Variants in SH2D4B observed in about 807,000 individuals in gnomAD.
SH2D4B encodes SH2 domain-containing protein 4B.
Under a neutral mutation model 61.5 loss-of-function variants are expected in SH2D4B, and 45 were observed. The ratio of observed to expected loss-of-function variants is 0.73; its 90% CI spans 0.58 to 0.94. The LOEUF (loss-of-function observed/expected upper bound fraction) is 0.94. Among genes scored for constraint, SH2D4B ranks in the 40% least tolerant of loss-of-function variants. The pLI is 0.00. For missense variants in SH2D4B, 572 were observed against 574.2 expected, an observed-to-expected ratio of 1.00 and a Z score of 0.04; for synonymous variants, 224 against 220.4, an observed-to-expected ratio of 1.02 and a Z score of -0.14.
intron 4 of SH2D4B, among the ~76,000 whole-genome samples, chr10:80,590,120 T>TG (rs1842309543): frequency 6.7e-6 from 1 of 150,070 alleles, no homozygotes; most frequent in African/African-American, 2.5e-5. Flanking sequence ...GCAGAGGGAG[T>TG]GGGGGAAAAC....
At chr10:80,580,830 G>C (rs1034155265) in intron 3 of SH2D4B, among the ~76,000 whole-genome samples, 1 of 152,188 alleles carries the variant, frequency 6.6e-6, no homozygotes, top group Admixed American at 6.5e-5. Context: ...AAGCTGGACA[G>C]CTCAGAGGGC....
intron 1 of SH2D4B, among the ~76,000 whole-genome samples, chr10:80,544,357 A>G (rs1347554327): frequency 6.6e-6 from 1 of 152,156 alleles, no homozygotes; most frequent in East Asian, 1.9e-4. Flanking sequence ...AGAAGGAACA[A>G]ACTCCGGATA....
At chr10:80,642,096 G>C (rs17107448) in intron 7 of SH2D4B, among the ~76,000 whole-genome samples, 26,597 of 152,118 alleles carry the variant, frequency 0.17, 2,821 homozygotes, top group Admixed American at 0.28. Flanking sequence ...CACATAAGTT[G>C]GGTAGTCTTT....
intron 3 of SH2D4B, among the ~76,000 whole-genome samples, chr10:80,582,781 A>G (rs1309819077): frequency 1.3e-5 from 2 of 152,230 alleles, no homozygotes; most frequent in Non-Finnish European, 2.9e-5. Context: ...TCTGTGAAGC[A>G]TGGGGCTCAG....
At chr10:80,586,981 C>T (rs1006125500) in intron 3 of SH2D4B, among the ~76,000 whole-genome samples, 1 of 152,092 alleles carries the variant, frequency 6.6e-6, no homozygotes, top group Non-Finnish European at 1.5e-5. Flanking sequence ...ACCACGAACC[C>T]ACCAGAAGGA....
intron 3 of SH2D4B, among the ~76,000 whole-genome samples, chr10:80,573,650 AC>A (rs1842090257): frequency 6.6e-6 from 1 of 152,014 alleles, no homozygotes; most frequent in African/African-American, 2.4e-5. Flanking sequence ...TTACTTGTGG[AC>A]CTTTTTGTGG....
At chr10:80,616,401 A>G (rs1842660971) in intron 6 of SH2D4B, among the ~76,000 whole-genome samples, 2 of 152,228 alleles carry the variant, frequency 1.3e-5, no homozygotes, top group South Asian at 2.1e-4. Context: ...TGAAAAATAA[A>G]GGAATATTTT....
rs1021537180 is a variant in SH2D4B at position 80,538,392 on chromosome 10, G to A, written c.61G>A (p.Asp21Asn). 4.8e-6 allele frequency: 7 copies of A among 1,446,940 alleles called. No individual in the cohort carries two copies. In the African/African-American group the frequency reaches 5.8e-5, roughly 12 times the overall value. The allele number at this position is 1,446,940 out of a possible 1,614,324, so 89.6% of individuals were successfully genotyped here. A position where few individuals can be genotyped will look rare whatever the true frequency, so the allele number is the denominator to read the frequency against. Residue 21 changes from aspartate (D) to asparagine (N), a missense_variant, in exon 1 of 8, where the codon GAT becomes AAT. Asp to Asn is a conservative substitution (Grantham distance 23). Transcript: ENST00000646907. The surrounding 1 kb of genome is among the most constrained non-coding windows in gnomAD (Gnocchi z 4.8). Reference protein sequence around the residue: ...IDPELLAELSDVQKHILFYKM... With the variant: ...IDPELLAELSNVQKHILFYKM... Reference sequence around the variant, plus strand: ...CCCCGAGCTCCTTGCCGAGCTCAGCGATGTGCAGAAGCACATCCTCTTCTA... The same window carrying A: ...CCCCGAGCTCCTTGCCGAGCTCAGCAATGTGCAGAAGCACATCCTCTTCTA...
chr10:80,547,845 G>A (rs1841703299), intron 1 of SH2D4B, among the ~76,000 whole-genome samples: 1 of 152,178 alleles, frequency 6.6e-6, no homozygotes, highest in South Asian at 2.1e-4. Flanking sequence ...TGCCATGAGA[G>A]TTGGAAAGTT....
intron 6 of SH2D4B, among the ~76,000 whole-genome samples, chr10:80,614,275 G>A (rs993282042): frequency 6.6e-6 from 1 of 152,210 alleles, no homozygotes; most frequent in African/African-American, 2.4e-5. Context: ...GCCTCAGGGA[G>A]CTTTTACTCG....
intron 4 of SH2D4B, among the ~76,000 whole-genome samples, chr10:80,595,495 A>G (rs1226302447): frequency 6.6e-6 from 1 of 152,184 alleles, no homozygotes. Flanking sequence ...TCCCCGCTTC[A>G]GGGACCCCTC....
At chr10:80,637,458 G>C (rs139656352) in intron 7 of SH2D4B, among the ~76,000 whole-genome samples, 183 of 152,018 alleles carry the variant, frequency 1.2e-3, no homozygotes, top group African/African-American at 3.9e-3. Flanking sequence ...CTTTTATTTC[G>C]TTGAGCAGTG....
At chr10:80,632,782 C>T (rs1006611603) in intron 6 of SH2D4B, among the ~76,000 whole-genome samples, 1 of 152,024 alleles carries the variant, frequency 6.6e-6, no homozygotes, top group Non-Finnish European at 1.5e-5. Context: ...CCCCCAAGGC[C>T]TTCTGGGGGG....
intron 1 of SH2D4B, among the ~76,000 whole-genome samples, chr10:80,558,209 C>A (rs750080819): frequency 6.6e-6 from 1 of 151,994 alleles, no homozygotes; most frequent in Non-Finnish European, 1.5e-5. Context: ...ACATAACACA[C>A]ATGATTTCAA....
chr10:80,566,228 C>T (rs1295515247), intron 1 of SH2D4B, among the ~76,000 whole-genome samples: 6 of 150,396 alleles, frequency 4.0e-5, no homozygotes, highest in Non-Finnish European at 8.9e-5. Flanking sequence ...GAAATGGGGA[C>T]ATCTTGTCAC....
chr10:80,570,055 C>G (rs752643002), intron 1 of SH2D4B, 99 bp from the exon 2 acceptor site: 67 of 1,411,238 alleles, frequency 4.7e-5, no homozygotes, highest in Non-Finnish European at 6.4e-5. Context: ...GACAATGTTC[C>G]ATAGAGTGAT....
chr10:80,538,170 T>C lies in SH2D4B; in HGVS notation c.-162T>C, dbSNP rs1589326076. The C allele has an allele frequency of 2.5e-5, 13 of 513,966 alleles. No individual in the cohort carries two copies. In the East Asian group the frequency reaches 4.7e-4, roughly 19 times the overall value. The allele number at this position is 513,966 out of a possible 1,614,324, so 31.8% of individuals were successfully genotyped here. ...TGGGTAGAGGAGATGAGTTCGTCGC[T>C]GGCTGCAAGCTGAGGCCAACTGACA... On this transcript the variant is annotated 5_prime_UTR_variant, in exon 1 of 8. Coordinates refer to ENST00000646907, the MANE Select transcript of SH2D4B (RefSeq NM_001388272.1). This position sits in a 1 kb window ranked among gnomAD's most constrained non-coding sequence, Gnocchi z 4.8.
chr10:80,601,688 C>T (rs1393619114), intron 4 of SH2D4B, among the ~76,000 whole-genome samples: 1 of 152,224 alleles, frequency 6.6e-6, no homozygotes, highest in Non-Finnish European at 1.5e-5. Flanking sequence ...ATGCTGCCTT[C>T]TTCAGATCTG....
intron 4 of SH2D4B, among the ~76,000 whole-genome samples, chr10:80,596,177 G>A (rs1842382993): frequency 6.6e-6 from 1 of 152,244 alleles, no homozygotes. Context: ...TGCCTCAGGG[G>A]CATACGCTCA....
Sources: allele counts gnomAD v4.1 joint callset (sites outside exome capture counted in the v4.1 genomes callset), GRCh38; gene constraint gnomAD v4.1.1; non-coding constraint Gnocchi (gnomAD v3.1); transcripts MANE v1.5; gene names NCBI Gene and HGNC (gene_info 2026-07-23, HGNC 2026-07-21).